The following CIITA variants were observed in gnomAD, a reference collection of about 807,000 sequenced individuals.
CIITA encodes MHC class II transactivator.
In CIITA, 72 loss-of-function variants were observed where a neutral mutation model predicts 115.1. The observed-to-expected ratio is 0.63, with a 90% CI of 0.52 to 0.76. The LOEUF (loss-of-function observed/expected upper bound fraction) is 0.76, where lower values mean the gene tolerates loss of function less well. Ranked by LOEUF, CIITA falls within the 30% of genes least tolerant of loss-of-function variation. The pLI is 0.00. For synonymous variants in CIITA, 763 were observed against 635.6 expected (o/e 1.20, Z -3.02); for missense variants, 1,617 against 1,463.8 (o/e 1.10, Z -1.71).
At chr16:10,916,491 ATCGGGCCCCCAAAGTCCGGCTGAC>A (rs775937686) in intron 15 of CIITA, 32 bp downstream of exon 15, 514 of 1,581,642 alleles carry the variant, frequency 3.2e-4, no homozygotes, top group Non-Finnish European at 4.3e-4. Context: ...TTCCTGCTGA[ATCGGGCCCCCAAAGTCCGGCTGAC>A]TTTTTCAAAA....
intron 7 of CIITA, 88 bp from the exon 8 acceptor site, chr16:10,902,570 G>A: frequency 6.5e-7 from 1 of 1,546,258 alleles, no homozygotes; most frequent in Non-Finnish European, 8.9e-7. Context: ...CCCTTTAGGG[G>A]GGTCAGACAT....
intron 9 of CIITA, 120 bp from the exon 10 acceptor site, chr16:10,904,624 A>C: frequency 1.0e-6 from 1 of 996,422 alleles, no homozygotes; most frequent in South Asian, 1.3e-5. Context: ...CCGCTATCTT[A>C]TAACCTCCAT....
At chr16:10,876,053 G>A (rs2035816487), upstream of CIITA, among the ~76,000 whole-genome samples, 1 of 151,972 alleles carries the variant, frequency 6.6e-6, no homozygotes. Context: ...GGGAGGCTGA[G>A]GCAGGAGAAT....
intron 3 of CIITA, among the ~76,000 whole-genome samples, chr16:10,896,503 T>G (rs796701204): frequency 2.6e-5 from 4 of 152,334 alleles, no homozygotes; most frequent in African/African-American, 9.6e-5. Flanking sequence ...GTGGTGTTGC[T>G]GCTAGTGGTT....
rs751650005 is a variant in CIITA, at chr16:10,941,838, G to A, written n.964G>A. The A allele has an allele frequency of 5.0e-6, 8 of 1,613,178 alleles. No individual in the cohort carries two copies. The East Asian group carries it at 1.3e-4, about 27-fold the overall frequency. ...GGTCCATGTCCTCGGGCAGGAAGACGAGGCCCACGTTGAGGACGATGTACT... is the reference window on the plus strand; with the variant it reads ...GGTCCATGTCCTCGGGCAGGAAGACAAGGCCCACGTTGAGGACGATGTACT... On this transcript the variant is annotated non_coding_transcript_exon_variant, in exon 2 of 2. Coordinates refer to the CIITA transcript ENST00000573379. This position sits in a 1 kb window ranked among gnomAD's most constrained non-coding sequence, Gnocchi z 6.4.
chr16:10,923,184 CCT>C lies in CIITA; in HGVS notation c.3318-38_3318-37del, dbSNP rs1306144713. ...AGCTGTCACTGGGGCCCCAGGCCGC[CCT>C]CTCTCCTCTAACCTGGCTCTGAGTC... On this transcript the variant is annotated intron_variant, in intron 18 of 19. Coordinates refer to ENST00000324288, the MANE Select transcript of CIITA (RefSeq NM_000246.4). The surrounding 1 kb of genome is among the most constrained non-coding windows in gnomAD (Gnocchi z 5.2). The C allele has an allele frequency of 5.0e-6, 8 of 1,588,198 alleles. No homozygotes were observed. Among genetic ancestry groups the C allele is most frequent in the Non-Finnish European group, 6.9e-6 (8 of 1,160,762 alleles).
rs781008218 is a variant in CIITA at position 10,929,516 on chromosome 16, A to G, written c.*5661A>G. 24 of 985,574 alleles carry G rather than the reference A, an allele frequency of 2.4e-5. No homozygotes were observed. The highest frequency in any genetic ancestry group is 2.8e-5 in the Non-Finnish European group (23 of 829,946). The allele number at this position is 985,574 out of a possible 1,614,324, so 61.1% of individuals were successfully genotyped here. On this transcript the variant is annotated 3_prime_UTR_variant, in exon 20 of 20. Coordinates refer to ENST00000324288, the MANE Select transcript of CIITA (RefSeq NM_000246.4). The surrounding 1 kb of genome is among the most constrained non-coding windows in gnomAD (Gnocchi z 4.3). Reference sequence around the variant, plus strand: ...CTCTCTTCCACTCTCCTGGGTTCAAACAGGAACCTCTCTGTTGGCACGAAG... The same window carrying G: ...CTCTCTTCCACTCTCCTGGGTTCAAGCAGGAACCTCTCTGTTGGCACGAAG...
At position 10,892,817 on chromosome 16, in the gene CIITA, C is replaced by T. The variant is rs375612868; in HGVS notation, c.53-2465C>T. On this transcript the variant is annotated intron_variant, in intron 1 of 19. Coordinates refer to ENST00000324288, the MANE Select transcript of CIITA (RefSeq NM_000246.4). Reference sequence around the variant, plus strand: ...TCATGGTGGTGAGCACCTGTAATCCCAGCTACTCAGGAGACTGGGGCAGGA... The same window carrying T: ...TCATGGTGGTGAGCACCTGTAATCCTAGCTACTCAGGAGACTGGGGCAGGA... Among the ~76,000 whole-genome samples the T allele has an allele frequency of 2.3e-3, 343 of 152,260 alleles. 4 individuals are homozygous for T. The highest frequency in any genetic ancestry group is 0.01 in the Middle Eastern group (3 of 294).
chr16:10,895,836 C>G, intron 3 of CIITA, 72 bp downstream of exon 3: 1 of 1,441,536 alleles, frequency 6.9e-7, no homozygotes, highest in South Asian at 1.2e-5. Flanking sequence ...GTCAATATCA[C>G]CCATTCATCA....
chr16:10,919,809 A>G (rs2145093372), intron 16 of CIITA, among the ~76,000 whole-genome samples: 1 of 152,332 alleles, frequency 6.6e-6, no homozygotes, highest in East Asian at 1.9e-4. Flanking sequence ...ACAAGTATGA[A>G]CTAGACAGAT....
Position 10,906,947 on chromosome 16 carries a change from C to T in CIITA, c.1455C>T (p.Ser485=). Reference sequence around the variant, plus strand: ...TCGTGGCGGCCGATGAGGTTTTCAGCCACATCTTGAAGAGACCTGACCGCG... The same window carrying T: ...TCGTGGCGGCCGATGAGGTTTTCAGTCACATCTTGAAGAGACCTGACCGCG... The part of the protein sequence containing the change: ...QPLVAADEVF[S]HILKRPDRVL... The change falls in exon 11 of 20, where the codon AGC becomes AGT. Residue 485 remains serine, a synonymous_variant. Transcript: ENST00000324288. 1 of 1,613,194 alleles carries T rather than the reference C, an allele frequency of 6.2e-7. No individual in the cohort carries two copies. The highest frequency in any genetic ancestry group is 1.1e-5 in the South Asian group (1 of 91,088).
intron 1 of CIITA, among the ~76,000 whole-genome samples, chr16:10,891,915 A>G (rs13335138): frequency 0.049 from 7,456 of 152,264 alleles, 604 homozygotes; most frequent in African/African-American, 0.17. Context: ...ACCGTCATGA[A>G]CAAGTGGGCC....
chr16:10,910,214 C>A lies in CIITA; in HGVS notation c.2843C>A (p.Ala948Asp), dbSNP rs980517671. 2 of 1,614,002 alleles carry A rather than the reference C, an allele frequency of 1.2e-6. No individual in the cohort carries two copies. The highest frequency in any genetic ancestry group is 2.7e-5 in the African/African-American group (2 of 74,934). The change falls in exon 13 of 20, where the codon GCT becomes GAT. Residue 948 changes from alanine (A) to aspartate (D), a missense_variant. By Grantham distance (126) the Ala-to-Asp change is moderately radical. Coordinates refer to ENST00000324288, the MANE Select transcript of CIITA (RefSeq NM_000246.4). ...QRTRSSSEDT[A>D]GELPAVRDLK... ...ACGAGAAGTTCCTCGGAAGACACAG[C>A]TGGGGAGCTCCCTGCTGTTCGGGAC...
At chr16:10,892,516 C>T (rs2037699965) in intron 1 of CIITA, among the ~76,000 whole-genome samples, 2 of 152,174 alleles carry the variant, frequency 1.3e-5, no homozygotes, top group Non-Finnish European at 2.9e-5. Context: ...TGTTTCTTTC[C>T]AGCCTTCATC....
rs1200008888 is a variant in CIITA at position 10,910,234 on chromosome 16, C to A, written c.2863C>A (p.Arg955=). 2 of 1,613,856 alleles carry A rather than the reference C, an allele frequency of 1.2e-6. No individual in the cohort carries two copies. The highest frequency in any genetic ancestry group is 1.7e-5 in the Admixed American group (1 of 59,996). ...EDTAGELPAV[R]DLKKLEFALG... is the part of the protein sequence containing the mutation. Reference sequence around the variant, plus strand: ...CACAGCTGGGGAGCTCCCTGCTGTTCGGGACCTAAAGAAACTGGAGTTTGC... The same window carrying A: ...CACAGCTGGGGAGCTCCCTGCTGTTAGGGACCTAAAGAAACTGGAGTTTGC... The change falls in exon 13 of 20, where the codon CGG becomes AGG. Residue 955 remains arginine, a synonymous_variant. Coordinates refer to ENST00000324288, the MANE Select transcript of CIITA (RefSeq NM_000246.4).
intron 14 of CIITA, 66 bp from the exon 15 acceptor site, chr16:10,916,301 T>C (rs2039944496): frequency 2.7e-6 from 4 of 1,505,568 alleles, no homozygotes; most frequent in Non-Finnish European, 9.2e-7. Flanking sequence ...AGGCCCTCAC[T>C]GGGATGGGAA....
At chr16:10,922,799 C>T in intron 18 of CIITA, 2 of 527,928 alleles carry the variant, frequency 3.8e-6, no homozygotes, top group East Asian at 3.3e-5. Context: ...GACATCCACC[C>T]ATTTTTGACC....
At chr16:10,884,714 G>A (rs1396001040) in intron 1 of CIITA, among the ~76,000 whole-genome samples, 1 of 152,070 alleles carries the variant, frequency 6.6e-6, no homozygotes, top group East Asian at 1.9e-4. Flanking sequence ...ATCTCAGACA[G>A]CTTACCTCTT....
Position 10,929,573 on chromosome 16 carries a change from A to G in CIITA, c.*5718A>G. ...AGGGGAGCAGGTCTAACAAGAAGGAAAAAGGGGGGTTATTAGCACGGAAGC... is the reference window on the plus strand; with the variant it reads ...AGGGGAGCAGGTCTAACAAGAAGGAGAAAGGGGGGTTATTAGCACGGAAGC... On this transcript the variant is annotated 3_prime_UTR_variant, in exon 20 of 20. Coordinates refer to ENST00000324288, the MANE Select transcript of CIITA (RefSeq NM_000246.4). This position sits in a 1 kb window ranked among gnomAD's most constrained non-coding sequence, Gnocchi z 4.3. 1 of 985,344 alleles carries G rather than the reference A, an allele frequency of 1.0e-6. No individual in the cohort carries two copies. Among genetic ancestry groups the G allele is most frequent in the Non-Finnish European group, 1.2e-6 (1 of 829,926 alleles). The allele number at this position is 985,344 out of a possible 1,614,324, so 61.0% of individuals were successfully genotyped here.
Sources: allele counts gnomAD v4.1 joint callset (sites outside exome capture counted in the v4.1 genomes callset), GRCh38; gene constraint gnomAD v4.1.1; non-coding constraint Gnocchi (gnomAD v3.1); transcripts MANE v1.5; gene names NCBI Gene and HGNC (gene_info 2026-07-23, HGNC 2026-07-21).